NEGR1: variants seen among roughly 807,000 people sequenced by gnomAD.
NEGR1 encodes neuronal growth regulator 1, also known as IgLON family member 4.
A neutral mutation model predicts 40.9 loss-of-function variants in NEGR1; 10 were observed. The ratio of observed to expected loss-of-function variants is 0.24; its 90% CI spans 0.15 to 0.42. NEGR1 has a LOEUF of 0.42. Among genes scored for constraint, NEGR1 ranks in the 10% least tolerant of loss-of-function variants. The pLI is 1.00. For synonymous variants in NEGR1, 185 were observed against 166.8 expected (o/e 1.11, Z -0.84); for missense variants, 352 against 438.9 (o/e 0.80, Z 1.77).
intron 4 of NEGR1, among the ~76,000 whole-genome samples, chr1:71,622,424 T>C (rs1650638721): frequency 6.6e-6 from 1 of 151,948 alleles, no homozygotes; most frequent in Non-Finnish European, 1.5e-5. Flanking sequence ...TTTTCTAATA[T>C]TGAAGGCGTT....
In NEGR1 at chr1:71,928,610, T is replaced by A. The variant is rs187585218; in HGVS notation, c.409+6469A>T. 1.6e-4 allele frequency among the ~76,000 whole-genome samples: 24 copies of A among 150,892 alleles called. No individual in the cohort carries two copies. The East Asian group carries it at 4.7e-3, about 30-fold the overall frequency. ...CCTGAGACAGCATCTCACTGTTTTA[T>A]ATATATATAAAATGATCGTCCTGTT... On this transcript the variant is annotated intron_variant, in intron 2 of 6. Coordinates refer to ENST00000357731, the MANE Select transcript of NEGR1 (RefSeq NM_173808.3).
intron 6 of NEGR1, among the ~76,000 whole-genome samples, chr1:71,505,739 C>T (rs1046759371): frequency 3.9e-5 from 6 of 152,118 alleles, no homozygotes; most frequent in South Asian, 2.1e-4. Context: ...ACAACAGTAC[C>T]GCTGGACTGT....
In NEGR1 at chr1:71,397,494, T is replaced by C. The variant is rs1422812897; in HGVS notation, c.*9952A>G. ...GGCATGTGCCACCATGCCTCACTAA[T>C]TTTTATATTTTTAGTAGAGTTGGGG... On this transcript the variant is annotated 3_prime_UTR_variant, in exon 7 of 7. Transcript: ENST00000357731. 6.6e-6 allele frequency: 1 copy of C among 152,186 alleles called. No homozygotes were observed. The highest frequency in any genetic ancestry group is 2.4e-5 in the African/African-American group (1 of 41,420). 9.4% of individuals were successfully genotyped at this position (152,186 alleles called of 1,614,324 possible).
chr1:71,898,957 TATA>T (rs1661056992), intron 2 of NEGR1, among the ~76,000 whole-genome samples: 1 of 102,108 alleles, frequency 9.8e-6, no homozygotes, highest in African/African-American at 4.1e-5. Context: ...CAAATATATA[TATA>T]TAGCATATAT....
At chr1:71,685,436 C>T (rs952122012) in intron 4 of NEGR1, among the ~76,000 whole-genome samples, 7 of 151,600 alleles carry the variant, frequency 4.6e-5, no homozygotes, top group African/African-American at 1.7e-4. Context: ...GATTCGCCTG[C>T]CTTAGCCGTC....
intron 1 of NEGR1, among the ~76,000 whole-genome samples, chr1:72,075,375 T>C (rs1453391544): frequency 6.6e-6 from 1 of 152,200 alleles, no homozygotes; most frequent in Non-Finnish European, 1.5e-5. Context: ...TTACTCTAAA[T>C]TCTAATTTAC....
chr1:71,552,044 C>A (rs1169634283), intron 6 of NEGR1, among the ~76,000 whole-genome samples: 2 of 151,510 alleles, frequency 1.3e-5, no homozygotes, highest in Non-Finnish European at 3.0e-5. Flanking sequence ...TAGGCCTCAA[C>A]TTTGACATTT....
intron 1 of NEGR1, among the ~76,000 whole-genome samples, chr1:72,107,443 T>A (rs944282094): frequency 6.6e-6 from 1 of 151,688 alleles, no homozygotes; most frequent in African/African-American, 2.4e-5. Context: ...AATTTTAAAA[T>A]ATGCTAAACA....
intron 4 of NEGR1, among the ~76,000 whole-genome samples, chr1:71,682,814 A>G (rs1169820704): frequency 6.6e-5 from 10 of 152,220 alleles, no homozygotes; most frequent in Admixed American, 6.5e-4. Context: ...GTGAGTTATT[A>G]TTGCATTAGT....
chr1:71,563,115 C>A (rs923382488), intron 6 of NEGR1, among the ~76,000 whole-genome samples: 76 of 152,094 alleles, frequency 5.0e-4, no homozygotes, highest in African/African-American at 1.7e-3. Flanking sequence ...TAGAATCTCA[C>A]GTGGCATATA....
intron 1 of NEGR1, among the ~76,000 whole-genome samples, chr1:72,086,581 C>T (rs1342257439): frequency 6.6e-6 from 1 of 152,204 alleles, no homozygotes; most frequent in Admixed American, 6.5e-5. Flanking sequence ...GTTAGGCTTA[C>T]TGCTATCAGC....
intron 2 of NEGR1, among the ~76,000 whole-genome samples, chr1:71,822,639 G>C (rs1362488370): frequency 6.6e-6 from 1 of 151,948 alleles, no homozygotes; most frequent in East Asian, 1.9e-4. Context: ...TGACTGCATT[G>C]TTTCCCTTGC....
In NEGR1 at chr1:72,040,873, T is replaced by C. The variant is rs139801563; in HGVS notation, c.177-105562A>G. Among the ~76,000 whole-genome samples, 543 of 152,046 alleles carry C rather than the reference T, an allele frequency of 3.6e-3. 9 individuals are homozygous for C. The highest frequency in any genetic ancestry group is 0.012 in the African/African-American group (518 of 41,524). On this transcript the variant is annotated intron_variant, in intron 1 of 6. Coordinates refer to ENST00000357731, the MANE Select transcript of NEGR1 (RefSeq NM_173808.3). Reference sequence around the variant, plus strand: ...GCAACCATTTCCAGGACATCAATTTTATAATCTTCAACATTCCTCTGTCCA... The same window carrying C: ...GCAACCATTTCCAGGACATCAATTTCATAATCTTCAACATTCCTCTGTCCA...
chr1:71,875,539 T>G (rs529467376), intron 2 of NEGR1, among the ~76,000 whole-genome samples: 1 of 152,302 alleles, frequency 6.6e-6, no homozygotes, highest in East Asian at 1.9e-4. Flanking sequence ...TAAAAAAGTC[T>G]TCATGTGAAT....
At chr1:71,755,230 G>T (rs2422030) in intron 3 of NEGR1, among the ~76,000 whole-genome samples, 74,559 of 151,806 alleles carry the variant, frequency 0.49, 18,593 homozygotes, top group East Asian at 0.78. Flanking sequence ...CTATCAGTCT[G>T]TTGGTTTTAC....
chr1:71,552,607 GA>G (rs1441716636), intron 6 of NEGR1, among the ~76,000 whole-genome samples: 4 of 148,374 alleles, frequency 2.7e-5, no homozygotes, highest in African/African-American at 4.9e-5. Flanking sequence ...ATTTCTAGAA[GA>G]ATATATTCTA....
intron 4 of NEGR1, among the ~76,000 whole-genome samples, chr1:71,688,366 T>TTATATATATATATAAAA (rs1557613796): frequency 3.3e-5 from 1 of 30,446 alleles, no homozygotes; most frequent in Non-Finnish European, 6.3e-5. Flanking sequence ...TATATATATA[T>TTATATATATATATAAAA]GAGATATATA....
At chr1:71,872,220 G>A (rs1660299213) in intron 2 of NEGR1, among the ~76,000 whole-genome samples, 1 of 152,150 alleles carries the variant, frequency 6.6e-6, no homozygotes, top group Non-Finnish European at 1.5e-5. Flanking sequence ...GGAAGACAAT[G>A]ATGTTTCCCT....
intron 1 of NEGR1, among the ~76,000 whole-genome samples, chr1:72,183,778 G>T (rs1040215052): frequency 1.3e-5 from 2 of 152,090 alleles, no homozygotes; most frequent in Admixed American, 1.3e-4. Flanking sequence ...TCTACAAAAT[G>T]TATAAGAACT....
Sources: allele counts gnomAD v4.1 joint callset (sites outside exome capture counted in the v4.1 genomes callset), GRCh38; gene constraint gnomAD v4.1.1; transcripts MANE v1.5; gene names NCBI Gene and HGNC (gene_info 2026-07-23, HGNC 2026-07-21).